The following CDCP1 variants were observed in gnomAD, a reference collection of about 807,000 sequenced individuals.
CDCP1 encodes CUB domain-containing protein 1.
CDCP1 carries 29 observed loss-of-function variants against 60.2 expected under a neutral mutation model. The observed-to-expected ratio is 0.48, with a 90% confidence interval of 0.36 to 0.66. The LOEUF (loss-of-function observed/expected upper bound fraction) is 0.66, where lower values mean the gene tolerates loss of function less well. Ranked by LOEUF, CDCP1 falls within the 30% of genes least tolerant of loss-of-function variation. The pLI, the probability that CDCP1 is intolerant of heterozygous loss-of-function variation, is 0.00. For synonymous variants in CDCP1, 387 were observed against 431.1 expected (o/e 0.90, Z 1.27); for missense variants, 876 against 1,074.3 (o/e 0.82, Z 2.58).
At chr3:45,094,373 C>T (rs12637537) in intron 5 of CDCP1, among the ~76,000 whole-genome samples, 26,407 of 152,002 alleles carry the variant, frequency 0.17, 3,861 homozygotes, top group East Asian at 0.69. Flanking sequence ...TTACAGGCAC[C>T]CAACACCATG....
At chr3:45,125,115 C>T (rs1698956078) in intron 1 of CDCP1, among the ~76,000 whole-genome samples, 1 of 152,122 alleles carries the variant, frequency 6.6e-6, no homozygotes, top group African/African-American at 2.4e-5. Context: ...GTGTGCCAAC[C>T]AGGAACTGTG....
At chr3:45,103,688 C>T in intron 4 of CDCP1, among the ~76,000 whole-genome samples, 1 of 152,182 alleles carries the variant, frequency 6.6e-6, no homozygotes, top group Admixed American at 6.5e-5. Flanking sequence ...TCAGTTTTCA[C>T]AAGAGTGGGC....
At position 45,093,266 on chromosome 3, in the gene CDCP1, A is replaced by AC. The variant is rs572816548; in HGVS notation, c.1627+10dup. 166 of 1,608,514 alleles carry AC rather than the reference A, an allele frequency of 1.0e-4. No homozygotes were observed. In the Admixed American group the frequency reaches 1.2e-3, roughly 11 times the overall value. On this transcript the variant is annotated intron_variant, in intron 6 of 8. Coordinates refer to ENST00000296129, the MANE Select transcript of CDCP1 (RefSeq NM_022842.5). ...CTAAAGGGGCATGGAGATAGGGGAGACCCCCCTTACCTTTGAAATAAGGTA... is the reference window on the plus strand; with the variant it reads ...CTAAAGGGGCATGGAGATAGGGGAGACCCCCCCTTACCTTTGAAATAAGGTA...
At position 45,108,793 on chromosome 3, in the gene CDCP1, GTA is replaced by G. The variant is rs1222694717; in HGVS notation, c.1024+1678_1024+1679del. 1.0e-2 allele frequency among the ~76,000 whole-genome samples: 163 copies of G among 16,348 alleles called. 41 individuals are homozygous for G. Among genetic ancestry groups the G allele is most frequent in the South Asian group, 0.032 (8 of 252 alleles). The allele number at this position is 16,348 out of a possible 152,430, so 10.7% of individuals were successfully genotyped here. A position where few individuals can be genotyped will look rare whatever the true frequency, so the allele number is the denominator to read the frequency against. On this transcript the variant is annotated intron_variant, in intron 4 of 8. Coordinates refer to ENST00000296129, the MANE Select transcript of CDCP1 (RefSeq NM_022842.5). ...TATGCATGTATACATATATATGCAT[GTA>G]TATATATATATGCATGTATACATAT... is the stretch of plus-strand genomic sequence containing the variant.
intron 4 of CDCP1, among the ~76,000 whole-genome samples, chr3:45,107,570 A>G (rs1698588634): frequency 6.6e-6 from 1 of 152,184 alleles, no homozygotes; most frequent in Admixed American, 6.5e-5. Flanking sequence ...AAACATTTAA[A>G]GAGCGCTCAC....
intron 4 of CDCP1, among the ~76,000 whole-genome samples, chr3:45,108,961 T>A (rs1464873677): frequency 5.0e-5 from 4 of 80,764 alleles, no homozygotes; most frequent in African/African-American, 8.2e-5. Context: ...ATATTTTTTT[T>A]TTTTTTGAGA....
intron 4 of CDCP1, among the ~76,000 whole-genome samples, chr3:45,096,623 CAAAAAAAAAAAAAA>C (rs5848726): frequency 1.9e-5 from 1 of 53,184 alleles, no homozygotes; most frequent in Admixed American, 3.2e-4. Flanking sequence ...GACTCCGTCT[CAAAAAAAAAAAAAA>C]AAAAAAAAAA....
At chr3:45,093,138 T>C in intron 6 of CDCP1, 139 bp downstream of exon 6, 1 of 942,996 alleles carries the variant, frequency 1.1e-6, no homozygotes, top group South Asian at 1.8e-5. Flanking sequence ...TCACTATCTT[T>C]CAAATTTCTT....
rs202175025 is a variant in CDCP1 at position 45,112,184 on chromosome 3, C to T, written c.554G>A (p.Arg185Gln). ...TTTCACTCCTTCTTGCATCTTGATC[C>T]GGGACACAGTGCCATTGCTGCAGAA... ...GTFCSNGTVS[R>Q]IKMQEGVKMA... is the part of the protein sequence containing the mutation. Residue 185 changes from arginine (R) to glutamine (Q), a missense_variant, in exon 3 of 9, where the codon CGG becomes CAG. Transcript: ENST00000296129. The T allele has an allele frequency of 1.1e-4, 183 of 1,614,132 alleles. No individual in the cohort carries two copies. Among genetic ancestry groups the T allele is most frequent in the South Asian group, 2.4e-4 (22 of 91,080 alleles).
At chr3:45,126,957 G>A (rs764459184) in intron 1 of CDCP1, among the ~76,000 whole-genome samples, 10 of 152,100 alleles carry the variant, frequency 6.6e-5, no homozygotes, top group East Asian at 1.9e-4. Flanking sequence ...CTCTGACACC[G>A]GTGCCCGGGG....
intron 1 of CDCP1, among the ~76,000 whole-genome samples, chr3:45,138,614 C>T (rs894344656): frequency 6.6e-5 from 10 of 152,200 alleles, no homozygotes; most frequent in East Asian, 1.9e-4. Flanking sequence ...AGGCTGAGGC[C>T]GAGGCGGGTG....
intron 4 of CDCP1, among the ~76,000 whole-genome samples, chr3:45,098,607 C>A (rs1245816579): frequency 6.6e-6 from 1 of 151,358 alleles, no homozygotes; most frequent in Admixed American, 6.6e-5. Flanking sequence ...ACACCCCACA[C>A]CCCCACAACA....
At chr3:45,146,447 C>T (rs1416354045), upstream of CDCP1, 1 of 532,798 alleles carries the variant, frequency 1.9e-6, no homozygotes, top group East Asian at 3.6e-5. Flanking sequence ...GCGAGCTGAC[C>T]CGGTGCGTCC....
At chr3:45,114,809 G>T (rs1356139415) in intron 2 of CDCP1, among the ~76,000 whole-genome samples, 1 of 152,158 alleles carries the variant, frequency 6.6e-6, no homozygotes, top group Non-Finnish European at 1.5e-5. Flanking sequence ...GTTCAGAAAA[G>T]GCAATGAAGG....
intron 2 of CDCP1, among the ~76,000 whole-genome samples, chr3:45,115,117 C>T (rs1364723647): frequency 6.6e-6 from 1 of 151,626 alleles, no homozygotes; most frequent in Non-Finnish European, 1.5e-5. Context: ...GTGTGCCCAG[C>T]TACCCCAGAG....
At chr3:45,090,080 G>A (rs942619617) in intron 7 of CDCP1, among the ~76,000 whole-genome samples, 30 of 152,336 alleles carry the variant, frequency 2.0e-4, no homozygotes, top group Middle Eastern at 3.4e-3. Context: ...AAGAGAGGAA[G>A]AAAACCCAGG....
At chr3:45,128,453 G>C (rs1699036759) in intron 1 of CDCP1, among the ~76,000 whole-genome samples, 1 of 152,220 alleles carries the variant, frequency 6.6e-6, no homozygotes. Context: ...AGAGACATCA[G>C]GGTCCCACCC....
At position 45,091,568 on chromosome 3, in the gene CDCP1, A is replaced by T. The variant is rs529795723; in HGVS notation, c.1628-30T>A. The T allele has an allele frequency of 2.6e-6, 4 of 1,564,158 alleles. No homozygotes were observed. The Admixed American group carries it at 7.0e-5, about 28-fold the overall frequency. ...AGGAAAGGGAGGGAGATCCAGACAG[A>T]TGTTTCATTCAGTCAACATGGAGAG... On this transcript the variant is annotated intron_variant, in intron 6 of 8. Coordinates refer to ENST00000296129, the MANE Select transcript of CDCP1 (RefSeq NM_022842.5). The surrounding 1 kb of genome is among the most constrained non-coding windows in gnomAD (Gnocchi z 4.8).
At chr3:45,097,240 G>C (rs938995639) in intron 4 of CDCP1, among the ~76,000 whole-genome samples, 6 of 151,638 alleles carry the variant, frequency 4.0e-5, no homozygotes, top group African/African-American at 1.5e-4. Flanking sequence ...CCAGGAGGTG[G>C]AGGTTGCAGT....
Sources: gnomAD v4.1 joint callset for allele counts (sites outside exome capture counted in the v4.1 genomes callset) on GRCh38, gnomAD v4.1.1 for gene constraint, Gnocchi (gnomAD v3.1) non-coding constraint, MANE v1.5 for transcripts, NCBI Gene and HGNC (gene_info 2026-07-23, HGNC 2026-07-21) for gene names.